The following LRRC4C variants were observed in gnomAD, a reference collection of about 807,000 sequenced individuals.
The protein encoded by LRRC4C is leucine-rich repeat-containing protein 4C.
A neutral mutation model predicts 33.6 loss-of-function variants in LRRC4C; 5 were observed. The observed-to-expected ratio is 0.15, with a 90% CI of 0.08 to 0.31. The LOEUF is 0.31. Ranked by LOEUF, LRRC4C falls within the 10% of genes least tolerant of loss-of-function variation. The pLI is 1.00. For missense variants in LRRC4C, 560 were observed against 796.7 expected (o/e 0.70, Z 3.58); for synonymous variants, 329 against 302.0 (o/e 1.09, Z -0.93).
intron 3 of LRRC4C, among the ~76,000 whole-genome samples, chr11:40,486,896 C>T (rs1266181242): frequency 6.6e-6 from 1 of 151,962 alleles, no homozygotes; most frequent in Non-Finnish European, 1.5e-5. Context: ...GAACCACTTC[C>T]TGGTTAATTT....
intron 2 of LRRC4C, among the ~76,000 whole-genome samples, chr11:40,844,174 C>T (rs377306983): frequency 3.4e-4 from 52 of 151,580 alleles, no homozygotes; most frequent in African/African-American, 1.2e-3. Flanking sequence ...GTCATGTTGG[C>T]ACATGTATAC....
At chr11:41,006,895 A>C (rs1481999770) in intron 1 of LRRC4C, among the ~76,000 whole-genome samples, 1 of 152,130 alleles carries the variant, frequency 6.6e-6, no homozygotes, top group Non-Finnish European at 1.5e-5. Flanking sequence ...ATTTCTTCTT[A>C]AAGAAATCCT....
chr11:40,507,926 G>A (rs1955118610), intron 3 of LRRC4C, among the ~76,000 whole-genome samples: 1 of 151,962 alleles, frequency 6.6e-6, no homozygotes, highest in Non-Finnish European at 1.5e-5. Context: ...TTTTAATAGA[G>A]AGGAGTTTTG....
At chr11:41,272,448 G>T (rs1271229305) in intron 1 of LRRC4C, among the ~76,000 whole-genome samples, 1 of 152,030 alleles carries the variant, frequency 6.6e-6, no homozygotes, top group Non-Finnish European at 1.5e-5. Flanking sequence ...CATCAAACTT[G>T]CAGTGAAATA....
Position 40,535,467 on chromosome 11 carries a change from G to A in LRRC4C, c.-270+112675C>T, listed in dbSNP as rs74637383. Reference sequence around the variant, plus strand: ...AAGAAGGTTCAACAAAGTGATGGCAGTAGTAGGATTCATCAGCATCACCAG... The same window carrying A: ...AAGAAGGTTCAACAAAGTGATGGCAATAGTAGGATTCATCAGCATCACCAG... On this transcript the variant is annotated intron_variant, in intron 3 of 6. Transcript: ENST00000528697. Among the ~76,000 whole-genome samples, 4 of 152,286 alleles carry A rather than the reference G, an allele frequency of 2.6e-5. No individual in the cohort carries two copies. The East Asian group carries it at 7.7e-4, about 29-fold the overall frequency.
chr11:40,234,321 A>T (rs1282401543), intron 5 of LRRC4C, among the ~76,000 whole-genome samples: 1 of 152,210 alleles, frequency 6.6e-6, no homozygotes, highest in African/African-American at 2.4e-5. Flanking sequence ...ATAAGTAGTT[A>T]CATTAAGACT....
At chr11:40,691,961 A>G (rs1258400311) in intron 2 of LRRC4C, among the ~76,000 whole-genome samples, 1 of 152,030 alleles carries the variant, frequency 6.6e-6, no homozygotes, top group Non-Finnish European at 1.5e-5. Context: ...GCTTTTCATG[A>G]AGATAAGACA....
chr11:40,637,671 A>G (rs1245781635), intron 3 of LRRC4C, among the ~76,000 whole-genome samples: 1 of 152,176 alleles, frequency 6.6e-6, no homozygotes, highest in Non-Finnish European at 1.5e-5. Context: ...ATCATCTCAC[A>G]CATTAAATCT....
At chr11:40,436,583 A>G (rs1951149151) in intron 3 of LRRC4C, among the ~76,000 whole-genome samples, 1 of 152,180 alleles carries the variant, frequency 6.6e-6, no homozygotes, top group Non-Finnish European at 1.5e-5. Flanking sequence ...GTGTGCACCC[A>G]AGAGAGAAAG....
chr11:41,282,893 C>T (rs905809418), intron 1 of LRRC4C, among the ~76,000 whole-genome samples: 1 of 152,094 alleles, frequency 6.6e-6, no homozygotes, highest in Non-Finnish European at 1.5e-5. Context: ...AAGCAATACC[C>T]AAGGAAACTG....
chr11:40,708,429 T>C (rs1429840132), intron 2 of LRRC4C, among the ~76,000 whole-genome samples: 2 of 152,196 alleles, frequency 1.3e-5, no homozygotes, highest in African/African-American at 4.8e-5. Flanking sequence ...TTCTCATTGG[T>C]TTCAAAGAAC....
At chr11:41,389,236 A>G (rs1188890113) in intron 1 of LRRC4C, among the ~76,000 whole-genome samples, 1 of 151,860 alleles carries the variant, frequency 6.6e-6, no homozygotes, top group Non-Finnish European at 1.5e-5. Flanking sequence ...TGTAGGTCCC[A>G]CAAAATGCTG....
chr11:40,356,958 T>C (rs1947698206), intron 3 of LRRC4C, among the ~76,000 whole-genome samples: 1 of 152,140 alleles, frequency 6.6e-6, no homozygotes, highest in Non-Finnish European at 1.5e-5. Context: ...CTCAACCATA[T>C]TAAGTAACTT....
intron 2 of LRRC4C, among the ~76,000 whole-genome samples, chr11:40,793,362 A>C (rs187179351): frequency 0.013 from 2,024 of 152,320 alleles, 15 homozygotes; most frequent in Admixed American, 0.022. Context: ...ACCTCAGTTC[A>C]AAAATAAACT....
intron 3 of LRRC4C, among the ~76,000 whole-genome samples, chr11:40,547,851 A>G (rs928088287): frequency 2.0e-5 from 3 of 152,124 alleles, no homozygotes; most frequent in African/African-American, 7.2e-5. Context: ...AGGCCAGAGA[A>G]TATATAAAAC....
At chr11:40,678,257 T>C (rs10837475) in intron 2 of LRRC4C, among the ~76,000 whole-genome samples, 52,990 of 151,824 alleles carry the variant, frequency 0.35, 9,953 homozygotes, top group East Asian at 0.61. Flanking sequence ...ATGAGTATAC[T>C]ACCCAGTAGG....
intron 1 of LRRC4C, among the ~76,000 whole-genome samples, chr11:41,125,951 A>G (rs1046664709): frequency 2.2e-4 from 33 of 152,182 alleles, no homozygotes; most frequent in African/African-American, 7.7e-4. Flanking sequence ...TTTGTGAGCT[A>G]TGTAATGGGC....
At chr11:40,947,655 C>T (rs995818702) in intron 1 of LRRC4C, among the ~76,000 whole-genome samples, 13 of 152,150 alleles carry the variant, frequency 8.5e-5, no homozygotes, top group African/African-American at 2.4e-4. Context: ...TGAGAAGGAA[C>T]GTGTACAGAT....
intron 3 of LRRC4C, among the ~76,000 whole-genome samples, chr11:40,367,492 A>AT (rs1219230615): frequency 3.3e-5 from 5 of 151,920 alleles, no homozygotes; most frequent in African/African-American, 1.2e-4. Flanking sequence ...TTTCTGTCTT[A>AT]TTTTTTTCAC....
Sources: allele counts gnomAD v4.1 joint callset (sites outside exome capture counted in the v4.1 genomes callset), GRCh38; gene constraint gnomAD v4.1.1; transcripts MANE v1.5; gene names NCBI Gene and HGNC (gene_info 2026-07-23, HGNC 2026-07-21).